ZNF707: variants seen among roughly 807,000 people sequenced by gnomAD.
ZNF707 encodes zinc finger protein 707.
In ZNF707, 8 loss-of-function variants were observed where a neutral mutation model predicts 13.3. The observed-to-expected ratio is 0.60, with a 90% confidence interval of 0.35 to 1.09. The LOEUF (loss-of-function observed/expected upper bound fraction) is 1.09. ZNF707 is among the 50% of genes least tolerant of loss of function. ZNF707 has a pLI of 0.02. For missense variants in ZNF707, 530 were observed against 512.6 expected, an observed-to-expected ratio of 1.03 and a Z score of -0.33; for synonymous variants, 225 against 205.6, an observed-to-expected ratio of 1.09 and a Z score of -0.81.
Position 143,693,582 on chromosome 8 carries a change from A to G in ZNF707, c.257-89A>G. On this transcript the variant is annotated intron_variant, in intron 5 of 5. Coordinates refer to ENST00000358656, the MANE Select transcript of ZNF707 (RefSeq NM_001100598.2). The surrounding 1 kb of genome is among the most constrained non-coding windows in gnomAD (Gnocchi z 4.1). ...AGTGCTGGGATTACAGGCGTGAGCC[A>G]CCGCGCCCGGCCTCCTCTGGGCTTT... The G allele has an allele frequency of 7.1e-7, 1 of 1,418,290 alleles. No homozygotes were observed. Among genetic ancestry groups the G allele is most frequent in the Non-Finnish European group, 9.3e-7 (1 of 1,076,956 alleles). The allele number at this position is 1,418,290 out of a possible 1,614,324, so 87.9% of individuals were successfully genotyped here.
At chr8:143,687,358 G>A (rs782465385) in intron 1 of ZNF707, 1 of 152,130 alleles carries the variant, frequency 6.6e-6, no homozygotes, top group Non-Finnish European at 1.5e-5. Context: ...TTTTTAAGAC[G>A]GAGTTTTGCT....
chr8:143,694,302 C>G lies in ZNF707; in HGVS notation c.888C>G (p.Ala296=). 2 of 1,600,636 alleles carry G rather than the reference C, an allele frequency of 1.2e-6. No individual in the cohort carries two copies. ...RPFYCADCGK[A]FRTKENLSHH... The stretch of plus-strand genomic sequence containing the variant: ...TCTACTGCGCGGACTGCGGCAAAGC[C>G]TTCCGGACCAAGGAGAACCTCAGCC... Residue 296 remains alanine, a synonymous_variant, in exon 6 of 6, where the codon GCC becomes GCG. Coordinates refer to ENST00000358656, the MANE Select transcript of ZNF707 (RefSeq NM_001100598.2). The surrounding 1 kb of genome is among the most constrained non-coding windows in gnomAD (Gnocchi z 4.4).
In ZNF707 at chr8:143,692,984, C is replaced by T. The variant is rs76180663; in HGVS notation, c.257-687C>T. Among the ~76,000 whole-genome samples the T allele has an allele frequency of 7.2e-3, 1,097 of 152,262 alleles. 12 individuals carry two copies. The highest frequency in any genetic ancestry group is 0.025 in the African/African-American group (1,030 of 41,542). ...CCGTCTTCTAGACGACATCCTAGCACCACCTCCACCCGCATGAGTGGGGCC... is the reference window on the plus strand; with the variant it reads ...CCGTCTTCTAGACGACATCCTAGCATCACCTCCACCCGCATGAGTGGGGCC... On this transcript the variant is annotated intron_variant, in intron 5 of 5. Coordinates refer to ENST00000358656, the MANE Select transcript of ZNF707 (RefSeq NM_001100598.2).
chr8:143,694,109 T>G lies in ZNF707; in HGVS notation c.695T>G (p.Phe232Cys), dbSNP rs1343824088. 6.2e-7 allele frequency: 1 copy of G among 1,603,588 alleles called. No individual in the cohort carries two copies. The highest frequency in any genetic ancestry group is 8.5e-7 in the Non-Finnish European group (1 of 1,175,828). The change falls in exon 6 of 6, where the codon TTC becomes TGC. Residue 232 changes from phenylalanine (F) to cysteine (C), a missense_variant. Phe to Cys is a radical substitution (Grantham distance 205). Transcript: ENST00000358656. The surrounding 1 kb of genome is among the most constrained non-coding windows in gnomAD (Gnocchi z 4.4). The part of the protein sequence containing the change: ...HQKNHTREKP[F>C]CCEACGQAFS... ...AAGAACCACACGCGCGAGAAGCCCT[T>G]CTGCTGCGAGGCCTGCGGGCAGGCG...
rs562511796 is a variant in ZNF707 at position 143,694,390 on chromosome 8, C to T, written c.976C>T (p.Arg326Trp). The change falls in exon 6 of 6, where the codon CGG becomes TGG. Residue 326 changes from arginine to tryptophan, a missense_variant. By Grantham distance (101) the Arg-to-Trp change is moderately radical (BLOSUM62 -3). Transcript: ENST00000358656. This position sits in a 1 kb window ranked among gnomAD's most constrained non-coding sequence, Gnocchi z 4.4. ...YTCAECGKSF[R>W]WPKGFSIHRR... ...CTGTGCCGAGTGCGGCAAGTCCTTC[C>T]GGTGGCCCAAGGGCTTCAGCATCCA... 6.2e-6 allele frequency: 10 copies of T among 1,612,224 alleles called. No individual in the cohort carries two copies. The highest frequency in any genetic ancestry group is 4.0e-5 in the African/African-American group (3 of 75,026).
chr8:143,690,190 C>T, intron 3 of ZNF707, 67 bp downstream of exon 3: 6 of 1,582,348 alleles, frequency 3.8e-6, no homozygotes, highest in Non-Finnish European at 5.1e-6. Context: ...CCCCAGCACA[C>T]ACGCGGGGAG....
At position 143,694,444 on chromosome 8, in the gene ZNF707, T is replaced by C. The variant is rs1318776182; in HGVS notation, c.1030T>C (p.Tyr344His). 1 of 1,612,248 alleles carries C rather than the reference T, an allele frequency of 6.2e-7. No individual in the cohort carries two copies. Among genetic ancestry groups the C allele is most frequent in the African/African-American group, 1.3e-5 (1 of 74,886 alleles). ...GAGGCTGCACCTGACGAAGAGGTTC[T>C]ACGAGTGCGGCCACTGTGGGAAAGG... ...HRRLHLTKRF[Y>H]ECGHCGKGFR... Residue 344 changes from tyrosine to histidine, a missense_variant, in exon 6 of 6, where the codon TAC (tyrosine) becomes CAC (histidine). Tyr to His is a moderately conservative substitution (Grantham distance 83, BLOSUM62 2). Transcript: ENST00000358656. This position sits in a 1 kb window ranked among gnomAD's most constrained non-coding sequence, Gnocchi z 4.4.
rs782661017 is a variant in ZNF707 at position 143,694,274 on chromosome 8, C to G, written c.860C>G (p.Pro287Arg). The stretch of plus-strand genomic sequence containing the variant: ...CAGCTGGTGCACACCGGGGAGCGGC[C>G]GTTCTACTGCGCGGACTGCGGCAAA... Reference protein sequence around the residue: ...RHQLVHTGERPFYCADCGKAF... With the variant: ...RHQLVHTGERRFYCADCGKAF... Residue 287 changes from proline to arginine, a missense_variant, in exon 6 of 6, where the codon CCG becomes CGG. Physicochemically the swap from Pro to Arg is moderately radical, Grantham distance 103 (BLOSUM62 -2). Coordinates refer to ENST00000358656, the MANE Select transcript of ZNF707 (RefSeq NM_001100598.2). This position sits in a 1 kb window ranked among gnomAD's most constrained non-coding sequence, Gnocchi z 4.4. The G allele has an allele frequency of 6.3e-7, 1 of 1,594,722 alleles. No homozygotes were observed. The highest frequency in any genetic ancestry group is 2.2e-5 in the East Asian group (1 of 44,614).
rs782262040 is a variant in ZNF707, at chr8:143,691,216, C to T, written c.142+17C>T. On this transcript the variant is annotated intron_variant, in intron 4 of 5. Transcript: ENST00000358656. ...CTGCTCTGGGTGAGCACGGGCTGAG[C>T]GCAGCGTGAGCACAGGGTGAGTGCT... The T allele has an allele frequency of 5.6e-6, 9 of 1,601,898 alleles. No individual in the cohort carries two copies. Among genetic ancestry groups the T allele is most frequent in the African/African-American group, 2.7e-5 (2 of 74,812 alleles).
rs782661017 is a variant in ZNF707, at chr8:143,694,274, C to T, written c.860C>T (p.Pro287Leu). Residue 287 changes from proline (P) to leucine (L), a missense_variant, in exon 6 of 6, where the codon CCG becomes CTG. Pro to Leu is a moderately conservative substitution (Grantham distance 98). Transcript: ENST00000358656. This position sits in a 1 kb window ranked among gnomAD's most constrained non-coding sequence, Gnocchi z 4.4. ...RHQLVHTGER[P>L]FYCADCGKAF... ...CAGCTGGTGCACACCGGGGAGCGGC[C>T]GTTCTACTGCGCGGACTGCGGCAAA... 113 of 1,594,604 alleles carry T rather than the reference C, an allele frequency of 7.1e-5. No homozygotes were observed. The highest frequency in any genetic ancestry group is 8.8e-5 in the Non-Finnish European group (103 of 1,170,344).
In ZNF707 at chr8:143,694,821, G is replaced by T. The variant is rs1218111411; in HGVS notation, c.*291G>T. 5 of 341,512 alleles carry T rather than the reference G, an allele frequency of 1.5e-5. No homozygotes were observed. The highest frequency in any genetic ancestry group is 1.4e-4 in the East Asian group (3 of 21,818). 21.2% of individuals were successfully genotyped at this position (341,512 alleles called of 1,614,324 possible). ...AGAGTGTGCGCGACCCCGGAGCCAC[G>T]TGCCAGGCCGGGCTCAGAGGCGGAG... On this transcript the variant is annotated 3_prime_UTR_variant, in exon 6 of 6. Coordinates refer to ENST00000358656, the MANE Select transcript of ZNF707 (RefSeq NM_001100598.2). This position sits in a 1 kb window ranked among gnomAD's most constrained non-coding sequence, Gnocchi z 4.4.
chr8:143,690,669 C>G (rs1357057765), intron 3 of ZNF707, among the ~76,000 whole-genome samples: 1 of 152,188 alleles, frequency 6.6e-6, no homozygotes, highest in East Asian at 1.9e-4. Context: ...GCTACCGTAA[C>G]CAAACATGAC....
At position 143,691,128 on chromosome 8, in the gene ZNF707, G is replaced by T. The variant is rs1554613467; in HGVS notation, c.71G>T (p.Cys24Phe). 1.9e-6 allele frequency: 3 copies of T among 1,613,878 alleles called. No individual in the cohort carries two copies. The highest frequency in any genetic ancestry group is 2.5e-6 in the Non-Finnish European group (3 of 1,179,856). ...TACTTCTCAAGGGAGGAGTGGGCGT[G>T]TCTGGAACCCAGCCAGAGGGCCCTC... ...AIYFSREEWACLEPSQRALYR... is the reference protein window; with the variant it reads ...AIYFSREEWAFLEPSQRALYR... The change falls in exon 4 of 6, where the codon TGT (cysteine) becomes TTT (phenylalanine). Residue 24 changes from cysteine to phenylalanine, a missense_variant. Coordinates refer to ENST00000358656, the MANE Select transcript of ZNF707 (RefSeq NM_001100598.2).
intron 1 of ZNF707, among the ~76,000 whole-genome samples, chr8:143,686,362 G>A (rs7464374): frequency 0.17 from 25,395 of 151,924 alleles, 3,352 homozygotes; most frequent in African/African-American, 0.35. Flanking sequence ...GTGAACCACC[G>A]CGAATGGCCG....
chr8:143,691,714 G>C lies in ZNF707; in HGVS notation c.256+1G>C. ...GCAGTGCAGAGGGGACCCCGGCCAG[G>C]TGAGTGCTGGGCTGTCTGGGCTCGG... On this transcript the variant is annotated splice_donor_variant, in intron 5 of 5. Transcript: ENST00000358656. LOFTEE classifies it high-confidence loss of function. The C allele has an allele frequency of 1.3e-6, 2 of 1,584,336 alleles. No homozygotes were observed. Among genetic ancestry groups the C allele is most frequent in the East Asian group, 2.3e-5 (1 of 43,142 alleles).
rs1817072002 is a variant in ZNF707, at chr8:143,693,875, C to T, written c.461C>T (p.Thr154Met). The T allele has an allele frequency of 3.1e-6, 5 of 1,608,670 alleles. No homozygotes were observed. Among genetic ancestry groups the T allele is most frequent in the Non-Finnish European group, 4.2e-6 (5 of 1,177,270 alleles). ...ACGGCTTTCCCGTGTCAGGTGCTCA[C>T]GCAGCGTTGTGGGCGGCGGCCGGGC... is the stretch of plus-strand genomic sequence containing the variant. The part of the protein sequence containing the change: ...KPTAFPCQVL[T>M]QRCGRRPGRR... The change falls in exon 6 of 6, where the codon ACG becomes ATG. Residue 154 changes from threonine (T) to methionine (M), a missense_variant. Transcript: ENST00000358656. This position sits in a 1 kb window ranked among gnomAD's most constrained non-coding sequence, Gnocchi z 4.1.
intron 5 of ZNF707, chr8:143,691,975 G>T: frequency 2.8e-6 from 4 of 1,423,954 alleles, no homozygotes; most frequent in Non-Finnish European, 3.8e-6. Context: ...CCTGAGGCTG[G>T]AGTGACACTT....
intron 1 of ZNF707, 77 bp downstream of exon 1, chr8:143,684,619 C>T (rs1308810051): frequency 2.0e-5 from 3 of 152,332 alleles, no homozygotes; most frequent in African/African-American, 7.2e-5. Flanking sequence ...CTGCGGCCGC[C>T]CCAGGGCTGT....
chr8:143,690,066 CCTT>C lies in ZNF707; in HGVS notation c.-42_-40del, dbSNP rs1816662057. ...TTTCTTGTCTCCCCAGATCTGCCCT[CCTT>C]GGCACTGTGCTTCCCCAGAGGGGTG... is the stretch of plus-strand genomic sequence containing the variant. On this transcript the variant is annotated 5_prime_UTR_variant, in exon 3 of 6. Transcript: ENST00000358656. 1 of 1,609,090 alleles carries C rather than the reference CCTT, an allele frequency of 6.2e-7. No individual in the cohort carries two copies. Among genetic ancestry groups the C allele is most frequent in the African/African-American group, 1.3e-5 (1 of 74,940 alleles).
Sources: gnomAD v4.1 joint callset for allele counts (sites outside exome capture counted in the v4.1 genomes callset) on GRCh38, gnomAD v4.1.1 for gene constraint, Gnocchi (gnomAD v3.1) non-coding constraint, MANE v1.5 for transcripts, NCBI Gene and HGNC (gene_info 2026-07-23, HGNC 2026-07-21) for gene names.